The following PHLDB2 variants were observed in gnomAD, a reference collection of about 807,000 sequenced individuals.
PHLDB2 encodes pleckstrin homology like domain family B member 2, also known as pleckstrin homology-like domain family B member 2.
PHLDB2 carries 71 observed loss-of-function variants against 123.6 expected under a neutral mutation model. The observed-to-expected ratio is 0.57, with a 90% CI of 0.47 to 0.70. The LOEUF (loss-of-function observed/expected upper bound fraction) is 0.70, where lower values mean the gene tolerates loss of function less well. PHLDB2 is among the 30% of genes least tolerant of loss of function. PHLDB2 has a pLI of 0.00. For synonymous variants in PHLDB2, 547 were observed against 541.6 expected (o/e 1.01, Z -0.14); for missense variants, 1,446 against 1,519.5 (o/e 0.95, Z 0.80).
intron 1 of PHLDB2, among the ~76,000 whole-genome samples, chr3:111,759,567 A>G (rs182231325): frequency 6.6e-6 from 1 of 152,336 alleles, no homozygotes; most frequent in Admixed American, 6.5e-5. Context: ...GTGTGTATGC[A>G]TGCACAGTGA....
At chr3:111,765,832 C>G (rs78673363) in intron 1 of PHLDB2, among the ~76,000 whole-genome samples, 7,657 of 152,160 alleles carry the variant, frequency 0.05, 649 homozygotes, top group African/African-American at 0.17. Context: ...AAGCCAACCT[C>G]TAATCAATAA....
At chr3:111,911,445 GT>G (rs1385195793) in intron 2 of PHLDB2, among the ~76,000 whole-genome samples, 7 of 152,182 alleles carry the variant, frequency 4.6e-5, no homozygotes, top group African/African-American at 1.4e-4. Flanking sequence ...CTTGGAGGTT[GT>G]TTTTGCATAT....
At chr3:111,859,047 C>A, upstream of PHLDB2, 1 of 308,096 alleles carries the variant, frequency 3.2e-6, no homozygotes, top group Non-Finnish European at 4.8e-6. Context: ...ACCCTCCTGA[C>A]CCCAGTCCTT....
intron 2 of PHLDB2, among the ~76,000 whole-genome samples, chr3:111,852,703 T>A (rs1489883144): frequency 6.6e-6 from 1 of 151,380 alleles, no homozygotes; most frequent in African/African-American, 2.4e-5. Flanking sequence ...GGTCCTCAAG[T>A]GATAAGAAAA....
chr3:111,785,986 G>A (rs2060664694), intron 1 of PHLDB2, among the ~76,000 whole-genome samples: 1 of 151,970 alleles, frequency 6.6e-6, no homozygotes, highest in Non-Finnish European at 1.5e-5. Flanking sequence ...TTGGCATTTG[G>A]CACATTAAAA....
rs185376417 is a variant in PHLDB2 at position 111,808,422 on chromosome 3, T to C, written c.-48-37399T>C. Among the ~76,000 whole-genome samples, 4 of 152,108 alleles carry C rather than the reference T, an allele frequency of 2.6e-5. No individual in the cohort carries two copies. In the East Asian group the frequency reaches 7.7e-4, roughly 29 times the overall value. Reference sequence around the variant, plus strand: ...CGGAAAAAGGAGGTTGCCCTTCACCTCCACATCCTGTGCTGCCACTTTTCT... The same window carrying C: ...CGGAAAAAGGAGGTTGCCCTTCACCCCCACATCCTGTGCTGCCACTTTTCT... On this transcript the variant is annotated intron_variant, in intron 1 of 17. Coordinates refer to the PHLDB2 transcript ENST00000393923.
chr3:111,759,605 C>G (rs534201936), intron 1 of PHLDB2, among the ~76,000 whole-genome samples: 79 of 152,248 alleles, frequency 5.2e-4, no homozygotes, highest in African/African-American at 1.8e-3. Context: ...TGTAAAGTTA[C>G]TCTTTGCACC....
intron 1 of PHLDB2, among the ~76,000 whole-genome samples, chr3:111,825,309 G>A (rs1046950340): frequency 1.3e-5 from 2 of 152,192 alleles, no homozygotes; most frequent in Non-Finnish European, 2.9e-5. Flanking sequence ...CTATCAAAAA[G>A]AGAGGTCCTT....
chr3:111,803,731 G>A (rs1192964665), intron 1 of PHLDB2, among the ~76,000 whole-genome samples: 2 of 152,126 alleles, frequency 1.3e-5, no homozygotes, highest in South Asian at 2.1e-4. Context: ...CTCATTGAGC[G>A]TTACTTCCCT....
chr3:111,752,840 C>T (rs373971006), intron 1 of PHLDB2, among the ~76,000 whole-genome samples: 58 of 151,410 alleles, frequency 3.8e-4, no homozygotes, highest in Non-Finnish European at 6.6e-4. Flanking sequence ...GATGTTCCCC[C>T]TCCTGTGTCC....
intron 2 of PHLDB2, among the ~76,000 whole-genome samples, chr3:111,852,566 G>T (rs922295778): frequency 1.3e-5 from 2 of 152,040 alleles, no homozygotes; most frequent in African/African-American, 4.8e-5. Context: ...AAGAGAAGCT[G>T]AGTTCTCTTC....
At chr3:111,891,646 C>T (rs954908472) in intron 2 of PHLDB2, among the ~76,000 whole-genome samples, 3 of 152,064 alleles carry the variant, frequency 2.0e-5, no homozygotes, top group African/African-American at 7.2e-5. Flanking sequence ...GAAACCATCC[C>T]TCCCCCATGT....
chr3:111,939,616 A>G lies in PHLDB2; in HGVS notation c.2272A>G (p.Ile758Val), dbSNP rs561040402. 71 of 1,607,930 alleles carry G rather than the reference A, an allele frequency of 4.4e-5. No individual in the cohort carries two copies. The highest frequency in any genetic ancestry group is 5.6e-5 in the Non-Finnish European group (66 of 1,178,546). The change falls in exon 7 of 18, where the codon ATC becomes GTC. Residue 758 changes from isoleucine to valine, a missense_variant. Ile to Val is a conservative substitution (Grantham distance 29). This residue lies in a region of PHLDB2 where 594 missense variants were observed against 646.0 expected (regional missense o/e 0.92). Coordinates refer to ENST00000431670, the MANE Select transcript of PHLDB2 (RefSeq NM_001134438.2). ...TGAAGTTGCTGAATATCAACGGAAC[A>G]TCGTTTCTAGAAAGGTACTTTTTCC... The part of the protein sequence containing the change: ...LREVAEYQRN[I>V]VSRKEKISAL...
At chr3:111,757,445 TG>T (rs2059913773) in intron 1 of PHLDB2, among the ~76,000 whole-genome samples, 1 of 152,238 alleles carries the variant, frequency 6.6e-6, no homozygotes, top group Admixed American at 6.5e-5. Flanking sequence ...AGCACTTCTC[TG>T]TATTGGTTAT....
At chr3:111,841,612 G>T (rs1229783345) in intron 1 of PHLDB2, among the ~76,000 whole-genome samples, 1 of 152,092 alleles carries the variant, frequency 6.6e-6, no homozygotes, top group Non-Finnish European at 1.5e-5. Flanking sequence ...TCTCTGGGTT[G>T]GGCTCTCAGT....
rs1035503246 is a variant in PHLDB2 at position 111,884,341 on chromosome 3, C to T, written c.264C>T (p.Ile88=). ...SVRSSPSLAK[I]QGSKQFSYDG... is the part of the protein sequence containing the mutation. ...GAAGCAGCCCCTCCTTAGCCAAAAT[C>T]CAGGGAAGCAAGCAGTTCTCTTATG... The change falls in exon 2 of 18, where the codon ATC becomes ATT. Residue 88 remains isoleucine (I), a synonymous_variant. Coordinates refer to ENST00000431670, the MANE Select transcript of PHLDB2 (RefSeq NM_001134438.2). 11 of 1,614,042 alleles carry T rather than the reference C, an allele frequency of 6.8e-6. 1 individual carries two copies. The Admixed American group carries it at 1.3e-4, about 20-fold the overall frequency.
At chr3:111,873,423 T>C (rs1179444020) in intron 1 of PHLDB2, among the ~76,000 whole-genome samples, 1 of 152,216 alleles carries the variant, frequency 6.6e-6, no homozygotes, top group Non-Finnish European at 1.5e-5. Context: ...GGTGGTTAAG[T>C]AGCATTTCCA....
At chr3:111,789,702 T>TGC (rs1353786478) in intron 1 of PHLDB2, among the ~76,000 whole-genome samples, 637 of 152,286 alleles carry the variant, frequency 4.2e-3, no homozygotes, top group African/African-American at 0.015. Context: ...GATAATAATA[T>TGC]ATATTATGTG....
At chr3:111,856,178 T>G (rs115818763), upstream of PHLDB2, among the ~76,000 whole-genome samples, 13 of 152,306 alleles carry the variant, frequency 8.5e-5, no homozygotes, top group African/African-American at 3.1e-4. Context: ...AGCTTGGCTA[T>G]CCTAAGAGAT....
Sources: gnomAD v4.1 joint callset for allele counts (sites outside exome capture counted in the v4.1 genomes callset) on GRCh38, gnomAD v4.1.1 for gene constraint, gnomAD v4.1.1 regional missense constraint, MANE v1.5 for transcripts, NCBI Gene and HGNC (gene_info 2026-07-23, HGNC 2026-07-21) for gene names.